ASAP1: variants seen among roughly 807,000 people sequenced by gnomAD.
ASAP1 encodes the protein ArfGAP with SH3 domain, ankyrin repeat and PH domain 1, also known as arf-GAP with SH3 domain, ANK repeat and PH domain-containing protein 1.
In ASAP1, 43 loss-of-function variants were observed where a neutral mutation model predicts 145.2. The observed-to-expected ratio is 0.30, with a 90% CI of 0.23 to 0.38. The LOEUF (loss-of-function observed/expected upper bound fraction) is 0.38, where lower values mean the gene tolerates loss of function less well. Among genes scored for constraint, ASAP1 ranks in the 10% least tolerant of loss-of-function variants. ASAP1 has a pLI of 1.00. For synonymous variants in ASAP1, 546 were observed against 515.5 expected (o/e 1.06, Z -0.80); for missense variants, 1,018 against 1,355.3 (o/e 0.75, Z 3.91).
intron 3 of ASAP1, among the ~76,000 whole-genome samples, chr8:130,268,581 A>C (rs1303004071): frequency 6.6e-6 from 1 of 152,094 alleles, no homozygotes; most frequent in African/African-American, 2.4e-5. Flanking sequence ...AAAGAAAAAA[A>C]CGCAAAATTC....
chr8:130,287,618 G>A, intron 3 of ASAP1, among the ~76,000 whole-genome samples: 1 of 152,180 alleles, frequency 6.6e-6, no homozygotes, highest in Non-Finnish European at 1.5e-5. Flanking sequence ...GGCGAGTTCT[G>A]TGGGCAAATG....
chr8:130,128,375 G>A (rs1409360347), intron 15 of ASAP1, among the ~76,000 whole-genome samples: 2 of 151,994 alleles, frequency 1.3e-5, no homozygotes, highest in African/African-American at 4.8e-5. Context: ...GGACTTGAAC[G>A]AATATACAAG....
intron 27 of ASAP1, among the ~76,000 whole-genome samples, chr8:130,062,745 G>C (rs74630706): frequency 1.3e-5 from 2 of 152,222 alleles, no homozygotes; most frequent in Admixed American, 1.3e-4. Context: ...CTGTGCTAGA[G>C]TGTTTGGCAC....
intron 3 of ASAP1, among the ~76,000 whole-genome samples, chr8:130,330,652 A>C (rs1386553995): frequency 6.6e-6 from 1 of 152,228 alleles, no homozygotes; most frequent in Non-Finnish European, 1.5e-5. Flanking sequence ...TGCCAAAGGC[A>C]ATTTGTCTTA....
chr8:130,368,891 A>C (rs552949262), intron 2 of ASAP1, among the ~76,000 whole-genome samples: 2 of 152,184 alleles, frequency 1.3e-5, no homozygotes, highest in Non-Finnish European at 2.9e-5. Context: ...CTTCTTTTTT[A>C]GTGTAAGCTA....
chr8:130,093,686 A>AAAAAAAAAAAAAAG (rs767063471), intron 24 of ASAP1, among the ~76,000 whole-genome samples: 21 of 131,992 alleles, frequency 1.6e-4, no homozygotes, highest in African/African-American at 3.6e-4. Flanking sequence ...AAAAAAAAAA[A>AAAAAAAAAAAAAAG]AAAGAAAGCT....
chr8:130,354,925 G>A lies in ASAP1; in HGVS notation c.186+3092C>T, dbSNP rs564790379. The stretch of plus-strand genomic sequence containing the variant: ...TTTTGAGACGTAGCCTCACTCTGTC[G>A]CCTAACCTGGTGTGCAGTGGTGCGA... On this transcript the variant is annotated intron_variant, in intron 3 of 29. Coordinates refer to ENST00000518721, the MANE Select transcript of ASAP1 (RefSeq NM_018482.4). 2.6e-5 allele frequency among the ~76,000 whole-genome samples: 4 copies of A among 152,272 alleles called. No individual in the cohort carries two copies. The East Asian group carries it at 5.8e-4, about 22-fold the overall frequency.
At chr8:130,210,981 T>C (rs1409574085) in intron 5 of ASAP1, among the ~76,000 whole-genome samples, 2 of 152,200 alleles carry the variant, frequency 1.3e-5, no homozygotes, top group Non-Finnish European at 2.9e-5. Context: ...GTCACTCTTA[T>C]TTATTTTTAG....
At chr8:130,415,631 T>C (rs1292605107) in intron 1 of ASAP1, among the ~76,000 whole-genome samples, 1 of 151,656 alleles carries the variant, frequency 6.6e-6, no homozygotes, top group Non-Finnish European at 1.5e-5. Context: ...CTACGAAAAA[T>C]ACAAAAATTA....
At chr8:130,238,760 AG>A (rs1405430045) in intron 3 of ASAP1, among the ~76,000 whole-genome samples, 1 of 152,140 alleles carries the variant, frequency 6.6e-6, no homozygotes, top group Non-Finnish European at 1.5e-5. Flanking sequence ...AGAAAGGTTA[AG>A]TAACTTTCCC....
At chr8:130,105,611 G>A (rs758024360) in intron 24 of ASAP1, among the ~76,000 whole-genome samples, 8 of 152,146 alleles carry the variant, frequency 5.3e-5, no homozygotes. Flanking sequence ...ATAGTATAAA[G>A]CTTAAAAGAG....
At chr8:130,317,682 T>G (rs1211900993) in intron 3 of ASAP1, among the ~76,000 whole-genome samples, 1 of 152,242 alleles carries the variant, frequency 6.6e-6, no homozygotes, top group African/African-American at 2.4e-5. Flanking sequence ...ACCTCCATTG[T>G]GAGCTTTGAG....
chr8:130,396,679 ACGTTTCCCGTCCATGTGCAGCATGCATT>A (rs1487645269), intron 2 of ASAP1, among the ~76,000 whole-genome samples: 3 of 152,214 alleles, frequency 2.0e-5, no homozygotes, highest in African/African-American at 7.2e-5. Flanking sequence ...CTCCAGGGAC[ACGTTTCCCGTCCATGTGCAGCATGCATT>A]CCTGATCCCT....
intron 5 of ASAP1, 86 bp from the exon 6 acceptor site, chr8:130,188,269 T>C (rs894834617): frequency 1.1e-5 from 11 of 1,025,448 alleles, no homozygotes; most frequent in African/African-American, 3.2e-5. Flanking sequence ...CTGAGCATTT[T>C]CCACACACCA....
chr8:130,072,965 C>A (rs1243647750), intron 27 of ASAP1, among the ~76,000 whole-genome samples: 1 of 151,270 alleles, frequency 6.6e-6, no homozygotes, highest in Non-Finnish European at 1.5e-5. Flanking sequence ...AATCCCCACA[C>A]GTTTGTCACA....
Position 130,054,658 on chromosome 8 carries a change from A to C in ASAP1, c.*73T>G. 1.5e-6 allele frequency: 2 copies of C among 1,333,446 alleles called. No individual in the cohort carries two copies. The highest frequency in any genetic ancestry group is 2.2e-6 in the Non-Finnish European group (2 of 926,898). 82.6% of individuals were successfully genotyped at this position (1,333,446 alleles called of 1,614,324 possible). A position where few individuals can be genotyped will look rare whatever the true frequency, so the allele number is the denominator to read the frequency against. ...ACTCTGTAACAGCAGCTATATACACACTGTGCCCAGGGTTACATGAAGGCA... is the reference window on the plus strand; with the variant it reads ...ACTCTGTAACAGCAGCTATATACACCCTGTGCCCAGGGTTACATGAAGGCA... On this transcript the variant is annotated 3_prime_UTR_variant, in exon 30 of 30. Coordinates refer to ENST00000518721, the MANE Select transcript of ASAP1 (RefSeq NM_018482.4).
At chr8:130,055,843 C>T (rs1396722289) in intron 29 of ASAP1, among the ~76,000 whole-genome samples, 1 of 152,228 alleles carries the variant, frequency 6.6e-6, no homozygotes. Flanking sequence ...CAGGCCTGCC[C>T]AGCTCTCCTG....
intron 3 of ASAP1, among the ~76,000 whole-genome samples, chr8:130,273,841 C>T (rs1051887112): frequency 1.8e-4 from 28 of 152,148 alleles, no homozygotes; most frequent in African/African-American, 6.5e-4. Flanking sequence ...TGGTAACATC[C>T]GCCACATAGA....
chr8:130,393,830 T>C (rs1198604504), intron 2 of ASAP1, among the ~76,000 whole-genome samples: 1 of 152,252 alleles, frequency 6.6e-6, no homozygotes, highest in Non-Finnish European at 1.5e-5. Context: ...GAAGATTTCA[T>C]GGACATTTAT....
Sources: gnomAD v4.1 joint callset for allele counts (sites outside exome capture counted in the v4.1 genomes callset) on GRCh38, gnomAD v4.1.1 for gene constraint, MANE v1.5 for transcripts, NCBI Gene and HGNC (gene_info 2026-07-23, HGNC 2026-07-21) for gene names.